EXOC1: variants seen among roughly 807,000 people sequenced by gnomAD.
EXOC1 encodes the protein exocyst complex component 1, also known as SEC3-like 1.
In EXOC1, 67 loss-of-function variants were observed where a neutral mutation model predicts 107.7. The observed-to-expected ratio is 0.62, with a 90% CI of 0.51 to 0.76. EXOC1 has a LOEUF of 0.76. Among genes scored for constraint, EXOC1 ranks in the 30% least tolerant of loss-of-function variants. The pLI, the probability that EXOC1 is intolerant of heterozygous loss-of-function variation, is 0.00. For synonymous variants in EXOC1, 348 were observed against 353.5 expected, an observed-to-expected ratio of 0.98 and a Z score of 0.17; for missense variants, 833 against 1,055.7, an observed-to-expected ratio of 0.79 and a Z score of 2.92.
At position 55,904,486 on chromosome 4, in the gene EXOC1, G is replaced by C. The variant is rs748872795; in HGVS notation, c.2676G>C (p.Gln892His). The change falls in exon 19 of 19, where the codon CAG becomes CAC. Residue 892 changes from glutamine (Q) to histidine (H), a missense_variant. By Grantham distance (24) the Gln-to-His change is conservative. Around this residue, in one of 2 missense-constraint regions of EXOC1, gnomAD observed 216 missense variants for 354.4 expected, o/e 0.61. Coordinates refer to ENST00000381295, the MANE Select transcript of EXOC1 (RefSeq NM_001024924.2). The stretch of plus-strand genomic sequence containing the variant: ...TGGATTATTGTTCCAGCATTGCACA[G>C]TCCCACTAAACCTTGTGAAAGAAGA... ...DILDYCSSIAQSH is the reference protein window; with the variant it reads ...DILDYCSSIAHSH 62 of 1,610,204 alleles carry C rather than the reference G, an allele frequency of 3.9e-5. No homozygotes were observed. The highest frequency in any genetic ancestry group is 1.2e-4 in the Admixed American group (7 of 59,512).
chr4:55,862,676 G>A (rs1343132244), intron 3 of EXOC1, among the ~76,000 whole-genome samples: 1 of 152,132 alleles, frequency 6.6e-6, no homozygotes, highest in Non-Finnish European at 1.5e-5. Flanking sequence ...TAATATGATT[G>A]TTGTACCAAA....
chr4:55,876,309 A>G (rs928882702), intron 8 of EXOC1: 1 of 985,248 alleles, frequency 1.0e-6, no homozygotes, highest in South Asian at 4.7e-5. Context: ...GAATATCCAC[A>G]TAGGTCTACG....
At chr4:55,864,426 T>C (rs1425765226) in intron 4 of EXOC1, 40 bp downstream of exon 4, 2 of 1,469,646 alleles carry the variant, frequency 1.4e-6, no homozygotes, top group Non-Finnish European at 1.9e-6. Context: ...ATCAATTATA[T>C]CTTTAAGTGA....
chr4:55,872,817 A>C, intron 8 of EXOC1: 2 of 975,470 alleles, frequency 2.1e-6, no homozygotes, highest in Non-Finnish European at 2.4e-6. Context: ...CTGTGAGTAC[A>C]TCAAATTTGG....
chr4:55,877,880 G>A (rs775861868), intron 8 of EXOC1, 37 bp from the exon 9 acceptor site: 2 of 1,609,740 alleles, frequency 1.2e-6, no homozygotes, highest in Non-Finnish European at 1.7e-6. Flanking sequence ...TCTTTGTACT[G>A]TTGATTACAT....
In EXOC1 at chr4:55,878,051, T is replaced by G; in HGVS notation, c.1209T>G (p.Tyr403Ter). 6.2e-7 allele frequency: 1 copy of G among 1,613,234 alleles called. No individual in the cohort carries two copies. Among genetic ancestry groups the G allele is most frequent in the South Asian group, 1.1e-5 (1 of 91,028 alleles). Residue 403 changes from tyrosine to a stop codon, truncating the protein, a stop_gained, in exon 9 of 19, where the codon TAT becomes TAG. Transcript: ENST00000381295. LOFTEE classifies it high-confidence loss of function. ...EWLKSTDYGK[Y>*]EGLTKNYMDY... The stretch of plus-strand genomic sequence containing the variant: ...TAAAGAGTACAGATTATGGAAAATA[T>G]GAAGGACTAACAAAGGTATGGATTT...
At chr4:55,875,783 G>A (rs1015637742) in intron 8 of EXOC1, 6 of 985,324 alleles carry the variant, frequency 6.1e-6, no homozygotes, top group Non-Finnish European at 7.2e-6. Context: ...ACATAGTTTA[G>A]GCCAGGCGCA....
At chr4:55,872,220 A>T (rs1266645822) in intron 8 of EXOC1, among the ~76,000 whole-genome samples, 6 of 151,976 alleles carry the variant, frequency 3.9e-5, no homozygotes, top group South Asian at 4.1e-4. Flanking sequence ...TATGAATTGC[A>T]TATACTACTT....
At chr4:55,892,212 G>A (rs1228103588) in intron 13 of EXOC1, among the ~76,000 whole-genome samples, 1 of 152,060 alleles carries the variant, frequency 6.6e-6, no homozygotes, top group African/African-American at 2.4e-5. Context: ...ATTTTTTATA[G>A]CATTTTTTTA....
In EXOC1 at chr4:55,896,252, C is replaced by A. The variant is rs149352856; in HGVS notation, c.1954-465C>A. Among the ~76,000 whole-genome samples the A allele has an allele frequency of 9.8e-3, 1,498 of 152,226 alleles. 32 individuals carry two copies. The highest frequency in any genetic ancestry group is 0.034 in the African/African-American group (1,423 of 41,532). On this transcript the variant is annotated intron_variant, in intron 15 of 18. Transcript: ENST00000381295. ...GCAACCTCTGCCTCCCAGGTTCAAG[C>A]AATTCTCATTCCTCAGCCTCCCAAG...
At chr4:55,858,501 G>T in intron 2 of EXOC1, 54 bp downstream of exon 2, 2 of 1,477,084 alleles carry the variant, frequency 1.4e-6, no homozygotes, top group Non-Finnish European at 1.8e-6. Flanking sequence ...TTATTTAGAA[G>T]ATATTTCCTC....
intron 17 of EXOC1, chr4:55,900,741 G>C (rs944033589): frequency 6.6e-6 from 1 of 152,130 alleles, no homozygotes; most frequent in Non-Finnish European, 1.5e-5. Context: ...AACTGGGCGT[G>C]GTGGCACGCT....
intron 1 of EXOC1, among the ~76,000 whole-genome samples, chr4:55,855,573 A>G (rs549172792): frequency 1.3e-5 from 2 of 152,328 alleles, no homozygotes; most frequent in Admixed American, 1.3e-4. Flanking sequence ...GCTAGAAAAT[A>G]CAATTCATAA....
Position 55,868,362 on chromosome 4 carries a change from A to T in EXOC1, c.442A>T (p.Ser148Cys), listed in dbSNP as rs1455646269. ...EESVPSGENQ[S>C]VTGGDEEVVD... Reference sequence around the variant, plus strand: ...ATCTGTTCCAAGTGGAGAAAATCAGAGTGTGACAGGAGGTGATGAAGAAGT... The same window carrying T: ...ATCTGTTCCAAGTGGAGAAAATCAGTGTGTGACAGGAGGTGATGAAGAAGT... The change falls in exon 5 of 19, where the codon AGT (serine) becomes TGT (cysteine). Residue 148 changes from serine (S) to cysteine (C), a missense_variant. By Grantham distance (112) the Ser-to-Cys change is moderately radical. Coordinates refer to ENST00000381295, the MANE Select transcript of EXOC1 (RefSeq NM_001024924.2). 1 of 1,612,674 alleles carries T rather than the reference A, an allele frequency of 6.2e-7. No individual in the cohort carries two copies. The highest frequency in any genetic ancestry group is 8.5e-7 in the Non-Finnish European group (1 of 1,179,126).
intron 2 of EXOC1, 37 bp downstream of exon 2, chr4:55,858,484 C>A: frequency 6.6e-7 from 1 of 1,519,646 alleles, no homozygotes; most frequent in Non-Finnish European, 8.8e-7. Flanking sequence ...TGTTTTGTAT[C>A]CTTTTATTAT....
intron 8 of EXOC1, among the ~76,000 whole-genome samples, chr4:55,873,601 G>C (rs1013934947): frequency 2.0e-5 from 3 of 152,076 alleles, no homozygotes; most frequent in African/African-American, 7.2e-5. Flanking sequence ...TAATGGCCTC[G>C]TTTAAAATGA....
intron 18 of EXOC1, 139 bp from the exon 19 acceptor site, chr4:55,904,204 C>T: frequency 2.8e-6 from 2 of 718,780 alleles, no homozygotes; most frequent in Non-Finnish European, 4.1e-6. Context: ...GTAAAAGTGA[C>T]TGGGATTCTG....
intron 9 of EXOC1, among the ~76,000 whole-genome samples, chr4:55,880,841 T>A (rs867869257): frequency 2.0e-5 from 3 of 152,196 alleles, no homozygotes; most frequent in Non-Finnish European, 4.4e-5. Flanking sequence ...CCAGGAATGT[T>A]GCGTCATCCT....
chr4:55,860,854 A>G (rs75294382), intron 3 of EXOC1, among the ~76,000 whole-genome samples: 6,084 of 152,064 alleles, frequency 0.04, 175 homozygotes, highest in Admixed American at 0.082. Flanking sequence ...AAAATCATAT[A>G]ACCAAAGTGA....
Sources: allele counts gnomAD v4.1 joint callset (sites outside exome capture counted in the v4.1 genomes callset), GRCh38; gene constraint gnomAD v4.1.1; regional missense constraint gnomAD v4.1.1; transcripts MANE v1.5; gene names NCBI Gene and HGNC (gene_info 2026-07-23, HGNC 2026-07-21).